DHX9: variants seen among roughly 807,000 people sequenced by gnomAD.
DHX9 encodes the protein DExH-box helicase 9, also known as ATP-dependent RNA helicase A.
Under a neutral mutation model 148.7 loss-of-function variants are expected in DHX9, and 27 were observed. That is an observed-to-expected ratio of 0.18 (90% confidence interval 0.13 to 0.25). The LOEUF is 0.25. Ranked by LOEUF, DHX9 falls within the 10% of genes least tolerant of loss-of-function variation. The pLI is 1.00. For synonymous variants in DHX9, 529 were observed against 516.6 expected (o/e 1.02, Z -0.33); for missense variants, 796 against 1,559.6 (o/e 0.51, Z 8.25).
In DHX9 at chr1:182,854,041, A is replaced by C; in HGVS notation, c.489A>C (p.Ser163=). ...EEQEVQATLE[S]EEVDLNAGLH... Reference sequence around the variant, plus strand: ...CATTGATTCTACAGACTCTAGAATCAGAAGAAGTGGATTTAAATGCTGGGC... The same window carrying C: ...CATTGATTCTACAGACTCTAGAATCCGAAGAAGTGGATTTAAATGCTGGGC... The change falls in exon 6 of 28, where the codon TCA becomes TCC. Residue 163 remains serine, a synonymous_variant. Coordinates refer to ENST00000367549, the MANE Select transcript of DHX9 (RefSeq NM_001357.5). The C allele has an allele frequency of 1.2e-6, 2 of 1,612,166 alleles. No homozygotes were observed. The highest frequency in any genetic ancestry group is 1.7e-6 in the Non-Finnish European group (2 of 1,179,852).
At position 182,876,923 on chromosome 1, in the gene DHX9, AT is replaced by A; in HGVS notation, c.2198+23del. The A allele has an allele frequency of 1.9e-6, 3 of 1,580,332 alleles. No individual in the cohort carries two copies. Among genetic ancestry groups the A allele is most frequent in the Non-Finnish European group, 2.6e-6 (3 of 1,150,992 alleles). On this transcript the variant is annotated intron_variant, in intron 19 of 27. Transcript: ENST00000367549. ...CTGCAAGTAAGTTACTGGGAAACCTATTTGTCTGCTCCAGTGTTACTAACTG... is the reference window on the plus strand; with the variant it reads ...CTGCAAGTAAGTTACTGGGAAACCTATTGTCTGCTCCAGTGTTACTAACTG...
At chr1:182,869,354 G>A (rs997377044) in intron 14 of DHX9, among the ~76,000 whole-genome samples, 5 of 152,178 alleles carry the variant, frequency 3.3e-5, no homozygotes, top group Non-Finnish European at 7.4e-5. Context: ...GTCCAGTCCT[G>A]TCTGGTCTAA....
intron 16 of DHX9, 101 bp downstream of exon 16, chr1:182,875,055 T>C (rs1648698119): frequency 1.0e-6 from 1 of 964,268 alleles, no homozygotes. Context: ...TACAGCAAAC[T>C]TTCTTAAAAA....
chr1:182,852,249 C>A lies in DHX9; in HGVS notation c.269C>A (p.Pro90Gln), dbSNP rs773224387. The A allele has an allele frequency of 6.2e-7, 1 of 1,609,958 alleles. No homozygotes were observed. The highest frequency in any genetic ancestry group is 1.3e-5 in the African/African-American group (1 of 74,718). Residue 90 changes from proline to glutamine, a missense_variant, in exon 4 of 28, where the codon CCA becomes CAA. Around this residue, in one of 14 missense-constraint regions of DHX9, gnomAD observed 89 missense variants for 77.5 expected, o/e 1.15. Transcript: ENST00000367549. ...CTTTTGCAGGTAGCATCTCCGCCCCCACTTACTGATACTCCTGACACTACA... is the reference window on the plus strand; with the variant it reads ...CTTTTGCAGGTAGCATCTCCGCCCCAACTTACTGATACTCCTGACACTACA... ...VPAFGVASPP[P>Q]LTDTPDTTAN...
At chr1:182,859,935 A>G (rs1287714077) in intron 11 of DHX9, 58 bp from the exon 12 acceptor site, 4 of 1,532,022 alleles carry the variant, frequency 2.6e-6, no homozygotes, top group Admixed American at 1.9e-5. Context: ...AAGGATCAAG[A>G]CAGTTGCTTC....
At position 182,883,161 on chromosome 1, in the gene DHX9, T is replaced by C. The variant is rs766305943; in HGVS notation, c.2937T>C (p.Phe979=). ...CAGATTGTTTGTTGACACAAGTGTTTACTAACACTGGACCAGATAATAATT... is the reference window on the plus strand; with the variant it reads ...CAGATTGTTTGTTGACACAAGTGTTCACTAACACTGGACCAGATAATAATT... The part of the protein sequence containing the change: ...FPEDCLLTQV[F]TNTGPDNNLD... The change falls in exon 25 of 28, where the codon TTT becomes TTC. Residue 979 remains phenylalanine (F), a synonymous_variant. Transcript: ENST00000367549. The C allele has an allele frequency of 1.6e-5, 26 of 1,613,566 alleles. No homozygotes were observed. The highest frequency in any genetic ancestry group is 2.1e-5 in the Non-Finnish European group (25 of 1,179,450).
intron 27 of DHX9, 59 bp downstream of exon 27, chr1:182,884,872 T>G: frequency 6.5e-7 from 1 of 1,547,040 alleles, no homozygotes. Context: ...TATGTAGGCC[T>G]AGAATTCCTG....
chr1:182,861,690 T>G (rs1391755330), intron 12 of DHX9, among the ~76,000 whole-genome samples: 1 of 152,232 alleles, frequency 6.6e-6, no homozygotes, highest in Non-Finnish European at 1.5e-5. Context: ...TGTCTCACTG[T>G]CTTTTAAAAT....
chr1:182,866,866 T>A, intron 13 of DHX9, 95 bp from the exon 14 acceptor site: 1 of 957,270 alleles, frequency 1.0e-6, no homozygotes, highest in South Asian at 1.7e-5. Context: ...TTTTCTAAAA[T>A]GATGCTGGGG....
In DHX9 at chr1:182,887,378, A is replaced by AG. The variant is rs775120310; in HGVS notation, c.3763dup (p.Ala1255GlyfsTer27). 1.9e-6 allele frequency: 3 copies of AG among 1,613,942 alleles called. No individual in the cohort carries two copies. The highest frequency in any genetic ancestry group is 2.2e-5 in the East Asian group (1 of 44,866). ...TGGGGGATTCCAGCGAGGAGGTGGTAGGGGGGCCTATGGAACTGGCTACTT... is the reference window on the plus strand; with the variant it reads ...TGGGGGATTCCAGCGAGGAGGTGGTAGGGGGGGCCTATGGAACTGGCTACTT... On this transcript the variant is annotated frameshift_variant, in exon 28 of 28. Transcript: ENST00000367549. LOFTEE classifies it high-confidence loss of function.
intron 3 of DHX9, among the ~76,000 whole-genome samples, chr1:182,848,982 C>G (rs991977825): frequency 2.0e-5 from 3 of 152,204 alleles, no homozygotes; most frequent in Non-Finnish European, 4.4e-5. Context: ...AGAAACCCAC[C>G]TCATGATCCA....
At chr1:182,875,755 A>G (rs1301466468) in intron 16 of DHX9, among the ~76,000 whole-genome samples, 6 of 152,336 alleles carry the variant, frequency 3.9e-5, no homozygotes, top group African/African-American at 7.2e-5. Context: ...CATTATTTCA[A>G]TAATACAAAG....
chr1:182,869,987 A>G (rs1648489919), intron 14 of DHX9, among the ~76,000 whole-genome samples: 1 of 152,220 alleles, frequency 6.6e-6, no homozygotes, highest in African/African-American at 2.4e-5. Flanking sequence ...TTACAGACCA[A>G]TTACTACAAA....
chr1:182,866,145 G>A (rs16859781), intron 12 of DHX9, among the ~76,000 whole-genome samples: 2,939 of 152,188 alleles, frequency 0.019, 103 homozygotes, highest in African/African-American at 0.067. Context: ...TGTGGCGATC[G>A]GTTACAAAAA....
intron 3 of DHX9, among the ~76,000 whole-genome samples, chr1:182,849,020 A>G (rs947873240): frequency 2.0e-5 from 3 of 152,216 alleles, no homozygotes; most frequent in African/African-American, 7.2e-5. Flanking sequence ...CCTACCTCCA[A>G]CATTGAGGAT....
chr1:182,854,134 C>G lies in DHX9; in HGVS notation c.582C>G (p.Ile194Met). The change falls in exon 6 of 28, where the codon ATC becomes ATG. Residue 194 changes from isoleucine to methionine, a missense_variant. By Grantham distance (10) the Ile-to-Met change is conservative. Around this residue, in one of 14 missense-constraint regions of DHX9, gnomAD observed 46 missense variants for 136.3 expected, o/e 0.34. Transcript: ENST00000367549. ...RLNQYFQKEK[I>M]QGEYKYTQVG... Reference sequence around the variant, plus strand: ...ACCAATATTTTCAGAAAGAAAAGATCCAAGGAGAATATAAGTACACCCAAG... The same window carrying G: ...ACCAATATTTTCAGAAAGAAAAGATGCAAGGAGAATATAAGTACACCCAAG... 4.3e-6 allele frequency: 7 copies of G among 1,613,672 alleles called. No individual in the cohort carries two copies. The highest frequency in any genetic ancestry group is 1.3e-5 in the African/African-American group (1 of 75,018).
chr1:182,887,607 G>T lies in DHX9; in HGVS notation c.*173G>T. On this transcript the variant is annotated 3_prime_UTR_variant, in exon 28 of 28. Coordinates refer to ENST00000367549, the MANE Select transcript of DHX9 (RefSeq NM_001357.5). ...AGCATATAGATGCATTAGTGATTTT[G>T]TTTATATTATGTAAAATATAACGAT... 1 of 584,558 alleles carries T rather than the reference G, an allele frequency of 1.7e-6. No homozygotes were observed. Among genetic ancestry groups the T allele is most frequent in the Non-Finnish European group, 3.0e-6 (1 of 330,108 alleles). The allele number at this position is 584,558 out of a possible 1,614,324, so 36.2% of individuals were successfully genotyped here.
chr1:182,840,701 T>A (rs1414159427), intron 1 of DHX9, among the ~76,000 whole-genome samples: 2 of 152,200 alleles, frequency 1.3e-5, no homozygotes, highest in Non-Finnish European at 2.9e-5. Flanking sequence ...CTGTACAAGG[T>A]TACTAAGGAT....
chr1:182,868,337 A>G (rs1011129851), intron 14 of DHX9, among the ~76,000 whole-genome samples: 2 of 152,128 alleles, frequency 1.3e-5, no homozygotes, highest in Non-Finnish European at 2.9e-5. Flanking sequence ...GGTGACAAAA[A>G]TCAGTAGTGT....
Sources: allele counts gnomAD v4.1 joint callset (sites outside exome capture counted in the v4.1 genomes callset), GRCh38; gene constraint gnomAD v4.1.1; regional missense constraint gnomAD v4.1.1; transcripts MANE v1.5; gene names NCBI Gene and HGNC (gene_info 2026-07-23, HGNC 2026-07-21).